IDUA: variants seen among roughly 807,000 people sequenced by gnomAD.
IDUA encodes the protein alpha-L-iduronidase, also known as iduronidase alpha-L-.
In IDUA, 65 loss-of-function variants were observed where a neutral mutation model predicts 68.9. The observed-to-expected ratio is 0.94, with a 90% CI of 0.77 to 1.16. The LOEUF is 1.16. Ranked by LOEUF, IDUA falls within the 50% of genes most tolerant of loss-of-function variation. The pLI is 0.00. For missense variants in IDUA, 1,046 were observed against 938.0 expected (o/e 1.12, Z -1.50); for synonymous variants, 529 against 433.6 (o/e 1.22, Z -2.73).
At chr4:990,048 C>G (rs1275006993) in intron 2 of IDUA, 1 of 1,600,914 alleles carries the variant, frequency 6.2e-7, no homozygotes, top group East Asian at 2.3e-5. Context: ...CCACGATGAC[C>G]AGCAGCTCCG....
intron 2 of IDUA, chr4:991,811 C>A: frequency 6.5e-7 from 1 of 1,532,892 alleles, no homozygotes; most frequent in South Asian, 1.2e-5. Flanking sequence ...CAACGGGCCC[C>A]TTGGGGCGGA....
chr4:1,001,869 C>T lies in IDUA; in HGVS notation c.780C>T (p.Ser260=). ...CGGGCGTGCGGCTGGACTACATCTCCCTCCACAGGAAGGTGCGCCCTGCCC... is the reference window on the plus strand; with the variant it reads ...CGGGCGTGCGGCTGGACTACATCTCTCTCCACAGGAAGGTGCGCCCTGCCC... The part of the protein sequence containing the change: ...GEAGVRLDYI[S]LHRKGARSSI... Residue 260 remains serine, a synonymous_variant, in exon 6 of 14, where the codon TCC becomes TCT. Coordinates refer to ENST00000514224, the MANE Select transcript of IDUA (RefSeq NM_000203.5). 6.3e-7 allele frequency: 1 copy of T among 1,589,206 alleles called. No individual in the cohort carries two copies. Among genetic ancestry groups the T allele is most frequent in the Non-Finnish European group, 8.5e-7 (1 of 1,169,722 alleles).
rs760582777 is a variant in IDUA at position 1,001,720 on chromosome 4, G to GCCGCCAGCC, written c.637_645dup (p.Ser213_Ala215dup). The GCCGCCAGCC allele has an allele frequency of 1.9e-6, 3 of 1,598,868 alleles. No individual in the cohort carries two copies. In the African/African-American group the frequency reaches 4.0e-5, roughly 21 times the overall value. ...CGATGCCTGCTCGGAGGGTCTGCGC[G>GCCGCCAGCC]CCGCCAGCCCCGCCCTGCGGCTGGG... On this transcript the variant is annotated inframe_insertion, in exon 6 of 14. Transcript: ENST00000514224.
chr4:989,114 A>C (rs756970011), intron 2 of IDUA: 1 of 1,605,422 alleles, frequency 6.2e-7, no homozygotes, highest in Non-Finnish European at 8.5e-7. Flanking sequence ...ACTGTGTGGA[A>C]GCCGGCCGCT....
rs188206467 is a variant in IDUA, at chr4:988,177, G to T, written c.299+228G>T. On this transcript the variant is annotated intron_variant, in intron 2 of 13. Coordinates refer to ENST00000514224, the MANE Select transcript of IDUA (RefSeq NM_000203.5). ...CCTGCAGGTCTCCCTGCAGGCTCAG[G>T]GTTGGCTGCGCCGCACCTGGCTCCT... 47 of 1,383,706 alleles carry T rather than the reference G, an allele frequency of 3.4e-5. No individual in the cohort carries two copies. In the East Asian group the frequency reaches 1.2e-3, roughly 35 times the overall value. The allele number at this position is 1,383,706 out of a possible 1,614,324, so 85.7% of individuals were successfully genotyped here.
At chr4:997,624 C>G (rs1444085989) in intron 2 of IDUA, among the ~76,000 whole-genome samples, 1 of 152,136 alleles carries the variant, frequency 6.6e-6, no homozygotes, top group East Asian at 1.9e-4. Context: ...CCGCGGCTTC[C>G]GTTCCCGGGC....
intron 2 of IDUA, 105 bp from the exon 3 acceptor site, chr4:1,000,507 T>G (rs571366730): frequency 1.1e-6 from 1 of 895,968 alleles, no homozygotes; most frequent in Admixed American, 1.7e-5. Context: ...GAGTCCTGTG[T>G]GGCACCTTGC....
chr4:997,565 C>T (rs1243238640), intron 2 of IDUA, among the ~76,000 whole-genome samples: 3 of 151,460 alleles, frequency 2.0e-5, no homozygotes, highest in African/African-American at 7.3e-5. Flanking sequence ...GTGCGGCCGC[C>T]GCGGCCCCAG....
In IDUA at chr4:989,051, G is replaced by T; in HGVS notation, c.299+1102G>T. On this transcript the variant is annotated intron_variant, in intron 2 of 13. Transcript: ENST00000514224. ...CCGTAGTCTCGGCGCAGGTCCTGCAGCGTGCTCACACCGGCTGCGTCTAGG... is the reference window on the plus strand; with the variant it reads ...CCGTAGTCTCGGCGCAGGTCCTGCATCGTGCTCACACCGGCTGCGTCTAGG... 1 of 1,584,708 alleles carries T rather than the reference G, an allele frequency of 6.3e-7. No homozygotes were observed. Among genetic ancestry groups the T allele is most frequent in the Non-Finnish European group, 8.6e-7 (1 of 1,166,164 alleles).
chr4:1,003,181 GGGGCC>G lies in IDUA; in HGVS notation c.1524+38_1524+42del, dbSNP rs572565537. 5.6e-5 allele frequency: 74 copies of G among 1,328,620 alleles called. No individual in the cohort carries two copies. Among genetic ancestry groups the G allele is most frequent in the Admixed American group, 1.2e-4 (3 of 24,722 alleles). 82.3% of individuals were successfully genotyped at this position (1,328,620 alleles called of 1,614,324 possible). ...AGGTAGGTGGGCCGCGGAGGGGCGA[GGGGCC>G]GGGCCGGGCCGGGGTCCCGGGGGGG... On this transcript the variant is annotated intron_variant, in intron 10 of 13. Transcript: ENST00000514224.
At chr4:999,739 G>A (rs1714963535) in intron 2 of IDUA, 2 of 136,722 alleles carry the variant, frequency 1.5e-5, no homozygotes, top group Non-Finnish European at 3.1e-5. Flanking sequence ...TGGCAGGGCG[G>A]CCCCCTTCTC....
At position 989,306 on chromosome 4, in the gene IDUA, G is replaced by GC. The variant is rs1265696919; in HGVS notation, c.299+1363dup. 18 of 1,611,868 alleles carry GC rather than the reference G, an allele frequency of 1.1e-5. No individual in the cohort carries two copies. Among genetic ancestry groups the GC allele is most frequent in the Non-Finnish European group, 1.4e-5 (17 of 1,179,518 alleles). On this transcript the variant is annotated intron_variant, in intron 2 of 13. Transcript: ENST00000514224. ...AAGTCCTTGTTGGCATAGTACAGCG[G>GC]CCCCCCAAAGCGGAACACCCGCACG...
At chr4:1,000,751 C>A in intron 3 of IDUA, 54 bp downstream of exon 3, 2 of 1,493,688 alleles carry the variant, frequency 1.3e-6, no homozygotes, top group South Asian at 1.1e-5. Flanking sequence ...GCCCTGCCCA[C>A]CCTCTCCCTC....
intron 2 of IDUA, chr4:991,262 G>C (rs752884857): frequency 1.2e-5 from 20 of 1,612,516 alleles, no homozygotes; most frequent in Non-Finnish European, 1.4e-5. Flanking sequence ...TCCTGGGAGG[G>C]GTCAAAGCCG....
At position 1,002,143 on chromosome 4, in the gene IDUA, C is replaced by T. The variant is rs1400939830; in HGVS notation, c.954C>T (p.Tyr318=). Residue 318 remains tyrosine (Y), a synonymous_variant, in exon 7 of 14, where the codon TAC becomes TAT. Transcript: ENST00000514224. The part of the protein sequence containing the change: ...LPQPWRADVT[Y]AAMVVKVIAQ... ...AGCCGTGGAGGGCGGACGTGACCTACGCGGCCATGGTGGTGAAGGTGGGCC... is the reference window on the plus strand; with the variant it reads ...AGCCGTGGAGGGCGGACGTGACCTATGCGGCCATGGTGGTGAAGGTGGGCC... 6 of 1,559,700 alleles carry T rather than the reference C, an allele frequency of 3.8e-6. No homozygotes were observed. Among genetic ancestry groups the T allele is most frequent in the African/African-American group, 1.4e-5 (1 of 73,804 alleles).
intron 2 of IDUA, among the ~76,000 whole-genome samples, chr4:997,173 G>A (rs971774845): frequency 6.6e-6 from 1 of 152,152 alleles, no homozygotes; most frequent in African/African-American, 2.4e-5. Context: ...CCCTCCCGCG[G>A]GTGGGCGAGC....
Position 1,002,063 on chromosome 4 carries a change from G to GACACCCCCATTT in IDUA, c.878_889dup (p.Thr293_Tyr296dup), listed in dbSNP as rs779762183. On this transcript the variant is annotated inframe_insertion, in exon 7 of 14. Coordinates refer to ENST00000514224, the MANE Select transcript of IDUA (RefSeq NM_000203.5). Reference sequence around the variant, plus strand: ...CCGGCAGCTCTTCCCCAAGTTCGCGGACACCCCCATTTACAACGACGAGGC... The same window carrying GACACCCCCATTT: ...CCGGCAGCTCTTCCCCAAGTTCGCGGACACCCCCATTTACACCCCCATTTACAACGACGAGGC... The GACACCCCCATTT allele has an allele frequency of 7.5e-6, 12 of 1,594,776 alleles. No homozygotes were observed. Among genetic ancestry groups the GACACCCCCATTT allele is most frequent in the Non-Finnish European group, 9.4e-6 (11 of 1,172,434 alleles).
chr4:999,903 G>A (rs1320431312), intron 2 of IDUA: 3 of 119,504 alleles, frequency 2.5e-5, no homozygotes, highest in Non-Finnish European at 5.2e-5. Context: ...AAGTGCAGTG[G>A]CAGGGCGGCC....
At chr4:994,794 G>A (rs1269976109) in intron 2 of IDUA, among the ~76,000 whole-genome samples, 3 of 152,032 alleles carry the variant, frequency 2.0e-5, no homozygotes, top group Non-Finnish European at 4.4e-5. Context: ...GGGTGTGGTG[G>A]TGTGTGCCTG....
Sources: allele counts gnomAD v4.1 joint callset (sites outside exome capture counted in the v4.1 genomes callset), GRCh38; gene constraint gnomAD v4.1.1; transcripts MANE v1.5; gene names NCBI Gene and HGNC (gene_info 2026-07-23, HGNC 2026-07-21).